DENND6A: variants seen among roughly 807,000 people sequenced by gnomAD.
DENND6A encodes the protein protein DENND6A.
DENND6A carries 43 observed loss-of-function variants against 95.5 expected under a neutral mutation model. The observed-to-expected ratio is 0.45, with a 90% confidence interval of 0.35 to 0.58. The LOEUF is 0.58. Among genes scored for constraint, DENND6A ranks in the 20% least tolerant of loss-of-function variants. The pLI, the probability that DENND6A is intolerant of heterozygous loss-of-function variation, is 0.00. For synonymous variants in DENND6A, 257 were observed against 260.4 expected, an observed-to-expected ratio of 0.99 and a Z score of 0.13; for missense variants, 574 against 736.0, an observed-to-expected ratio of 0.78 and a Z score of 2.55.
chr3:57,650,421 T>TACACAC (rs67472290), intron 9 of DENND6A, among the ~76,000 whole-genome samples: 29,558 of 149,816 alleles, frequency 0.2, 3,080 homozygotes, highest in East Asian at 0.37. Context: ...TGCATTTACA[T>TACACAC]ACACACACAC....
chr3:57,630,205 T>A, intron 18 of DENND6A: 1 of 466,532 alleles, frequency 2.1e-6, no homozygotes, highest in Non-Finnish European at 3.6e-6. Context: ...ATGCAGTTCA[T>A]AACACACCTA....
At chr3:57,658,281 G>C (rs1427945364) in intron 8 of DENND6A, among the ~76,000 whole-genome samples, 3 of 151,770 alleles carry the variant, frequency 2.0e-5, no homozygotes, top group Non-Finnish European at 4.4e-5. Flanking sequence ...TGTAATCCTA[G>C]CACTTTGGGA....
intron 18 of DENND6A, among the ~76,000 whole-genome samples, chr3:57,629,128 G>A (rs72874823): frequency 0.012 from 1,790 of 152,230 alleles, 32 homozygotes; most frequent in African/African-American, 0.04. Context: ...GTACTGAGGT[G>A]GCTTTTTTAG....
In DENND6A at chr3:57,672,237, CTG is replaced by C. The variant is rs1036731282; in HGVS notation, c.319+17_319+18del. The C allele has an allele frequency of 3.8e-6, 6 of 1,596,764 alleles. No individual in the cohort carries two copies. In the African/African-American group the frequency reaches 5.4e-5, roughly 14 times the overall value. On this transcript the variant is annotated intron_variant, in intron 3 of 19. Transcript: ENST00000311128. ...CTTAGTATAAAATTAAACAGAAACA[CTG>C]TATGAAAAACAGTTACCTGAATTTG...
chr3:57,686,353 A>G (rs1186862707), intron 1 of DENND6A, among the ~76,000 whole-genome samples: 3 of 152,260 alleles, frequency 2.0e-5, no homozygotes, highest in South Asian at 2.1e-4. Flanking sequence ...CTTTGATTAC[A>G]TAAGATTATA....
chr3:57,659,196 G>A lies in DENND6A; in HGVS notation c.700-16C>T, dbSNP rs756898980. 4 of 1,613,546 alleles carry A rather than the reference G, an allele frequency of 2.5e-6. No homozygotes were observed. In the South Asian group the frequency reaches 4.4e-5, roughly 18 times the overall value. The stretch of plus-strand genomic sequence containing the variant: ...GAATCCGTACCTAAAAGAAAGACAG[G>A]AAATTATTTTTGGTTATAAAAGAAT... On this transcript the variant is annotated splice_polypyrimidine_tract_variant and intron_variant, in intron 7 of 19. Transcript: ENST00000311128.
rs1238274194 is a variant in DENND6A, at chr3:57,663,687, C to T, written c.462G>A (p.Val154=). ...TTTTATCTCGAACTTGTCGGAAATACACATATCCATAAAAATAAGCAGGAT... is the reference window on the plus strand; with the variant it reads ...TTTTATCTCGAACTTGTCGGAAATATACATATCCATAAAAATAAGCAGGAT... ...KKDPAYFYGY[V]YFRQVRDKTL... The change falls in exon 5 of 20, where the codon GTG becomes GTA. Residue 154 remains valine, a synonymous_variant. Transcript: ENST00000311128. 1 of 1,582,394 alleles carries T rather than the reference C, an allele frequency of 6.3e-7. No individual in the cohort carries two copies. The highest frequency in any genetic ancestry group is 8.6e-7 in the Non-Finnish European group (1 of 1,162,418).
At chr3:57,649,594 T>C (rs1475747540) in intron 9 of DENND6A, among the ~76,000 whole-genome samples, 1 of 148,166 alleles carries the variant, frequency 6.7e-6, no homozygotes, top group African/African-American at 2.5e-5. Context: ...ATTGCAAAAA[T>C]ATGGAACAAG....
intron 1 of DENND6A, among the ~76,000 whole-genome samples, chr3:57,691,928 T>TAAA (rs34356945): frequency 6.6e-6 from 1 of 150,508 alleles, no homozygotes; most frequent in East Asian, 2.0e-4. Context: ...AGAGGCAACA[T>TAAA]AAAAAAAAAT....
chr3:57,652,129 C>T (rs1045291864), intron 9 of DENND6A, among the ~76,000 whole-genome samples: 1 of 152,194 alleles, frequency 6.6e-6, no homozygotes, highest in Non-Finnish European at 1.5e-5. Flanking sequence ...CTAATTCTCC[C>T]GTTCTTGAGC....
At chr3:57,672,558 G>T in intron 1 of DENND6A, 120 bp from the exon 2 acceptor site, 1 of 1,008,854 alleles carries the variant, frequency 9.9e-7, no homozygotes, top group Non-Finnish European at 1.5e-6. Flanking sequence ...CAAGGCAGGC[G>T]GATCACTTGA....
At chr3:57,666,508 T>G (rs2071526306) in intron 3 of DENND6A, among the ~76,000 whole-genome samples, 1 of 152,224 alleles carries the variant, frequency 6.6e-6, no homozygotes, top group South Asian at 2.1e-4. Flanking sequence ...TAAACATTTT[T>G]GGAATATATC....
chr3:57,671,341 G>T (rs1218988785), intron 3 of DENND6A, among the ~76,000 whole-genome samples: 1 of 152,014 alleles, frequency 6.6e-6, no homozygotes, highest in African/African-American at 2.4e-5. Context: ...TGGCTAACAT[G>T]GTGAAACCCC....
intron 9 of DENND6A, among the ~76,000 whole-genome samples, chr3:57,650,740 A>G (rs1449848160): frequency 6.6e-6 from 1 of 152,154 alleles, no homozygotes; most frequent in Non-Finnish European, 1.5e-5. Flanking sequence ...CCAAACCTGC[A>G]TCAAAAGGTG....
intron 9 of DENND6A, among the ~76,000 whole-genome samples, chr3:57,656,464 T>G (rs2071328403): frequency 6.6e-6 from 1 of 152,226 alleles, no homozygotes; most frequent in Non-Finnish European, 1.5e-5. Context: ...TTTTATACTG[T>G]TATGAATAAA....
chr3:57,691,600 C>T (rs970239601), intron 1 of DENND6A, among the ~76,000 whole-genome samples: 12 of 149,836 alleles, frequency 8.0e-5, no homozygotes. Flanking sequence ...AAGAAAACTA[C>T]CCCTAGCCAA....
rs1423871935 is a variant in DENND6A at position 57,628,991 on chromosome 3, G to A, written c.1621-106C>T. 6.4e-6 allele frequency: 6 copies of A among 941,224 alleles called. No homozygotes were observed. The East Asian group carries it at 1.3e-4, about 20-fold the overall frequency. 58.3% of individuals were successfully genotyped at this position (941,224 alleles called of 1,614,324 possible). On this transcript the variant is annotated intron_variant, in intron 18 of 19. Coordinates refer to ENST00000311128, the MANE Select transcript of DENND6A (RefSeq NM_152678.3). ...GAAGGAAAGACAAGAAGGAAAAGGA[G>A]AACAAAGTATTTAACCCAGATATAG...
intron 7 of DENND6A, among the ~76,000 whole-genome samples, chr3:57,659,713 T>C (rs1056123418): frequency 1.3e-5 from 2 of 152,186 alleles, no homozygotes; most frequent in African/African-American, 4.8e-5. Context: ...GTACAACCTA[T>C]ACAAAGTCTG....
At position 57,692,960 on chromosome 3, in the gene DENND6A, G is replaced by A; in HGVS notation, c.59C>T (p.Ala20Val). The A allele has an allele frequency of 6.5e-7, 1 of 1,544,540 alleles. No homozygotes were observed. Among genetic ancestry groups the A allele is most frequent in the Non-Finnish European group, 8.7e-7 (1 of 1,153,280 alleles). The stretch of plus-strand genomic sequence containing the variant: ...CTCGCGGCCCTCGGCCCCTGCCACC[G>A]CTTCGTCCAACGGCCTTCGAGAGCC... ...GPGSRRPLDE[A>V]VAGAEGREAP... Residue 20 changes from alanine (A) to valine (V), a missense_variant, in exon 1 of 20, where the codon GCG becomes GTG. Ala to Val is a moderately conservative substitution (Grantham distance 64). Around this residue, in one of 2 missense-constraint regions of DENND6A, gnomAD observed 122 missense variants for 105.1 expected, o/e 1.16. Transcript: ENST00000311128.
Sources: allele counts gnomAD v4.1 joint callset (sites outside exome capture counted in the v4.1 genomes callset), GRCh38; gene constraint gnomAD v4.1.1; regional missense constraint gnomAD v4.1.1; transcripts MANE v1.5; gene names NCBI Gene and HGNC (gene_info 2026-07-23, HGNC 2026-07-21).